Variants in ST6GALNAC3 observed in about 807,000 individuals in gnomAD.
The protein encoded by ST6GALNAC3 is alpha-N-acetylgalactosaminide alpha-2,6-sialyltransferase 3.
Under a neutral mutation model 32.7 loss-of-function variants are expected in ST6GALNAC3, and 25 were observed. That is an observed-to-expected ratio of 0.76 (90% CI 0.56 to 1.07). The LOEUF is 1.07. Among genes scored for constraint, ST6GALNAC3 ranks in the 50% least tolerant of loss-of-function variants. The pLI, the probability that ST6GALNAC3 is intolerant of heterozygous loss-of-function variation, is 0.00. For synonymous variants in ST6GALNAC3, 129 were observed against 133.1 expected (o/e 0.97, Z 0.21); for missense variants, 355 against 382.4 (o/e 0.93, Z 0.60).
intron 1 of ST6GALNAC3, among the ~76,000 whole-genome samples, chr1:76,226,474 A>C (rs2100622019): frequency 6.6e-6 from 1 of 152,316 alleles, no homozygotes; most frequent in Non-Finnish European, 1.5e-5. Context: ...GGCAAATGGA[A>C]TTTTACTGGT....
chr1:76,560,919 TTTGGAAGCCAAAAC>T lies in ST6GALNAC3; in HGVS notation c.624-66524_624-66511del, dbSNP rs374538124. Among the ~76,000 whole-genome samples, 351 of 152,246 alleles carry T rather than the reference TTTGGAAGCCAAAAC, an allele frequency of 2.3e-3. 1 individual carries two copies. The highest frequency in any genetic ancestry group is 0.014 in the Middle Eastern group (4 of 294). ...TGCAGCAAGAACTTGGAAGCCAAAATTTGGAAGCCAAAACTTGGAAGCAACCTAAGTGTCCATCA... is the reference window on the plus strand; with the variant it reads ...TGCAGCAAGAACTTGGAAGCCAAAATTTGGAAGCAACCTAAGTGTCCATCA... On this transcript the variant is annotated intron_variant, in intron 3 of 4. Coordinates refer to ENST00000328299, the MANE Select transcript of ST6GALNAC3 (RefSeq NM_152996.4).
At chr1:76,164,019 G>A (rs1021957525) in intron 1 of ST6GALNAC3, among the ~76,000 whole-genome samples, 3 of 152,152 alleles carry the variant, frequency 2.0e-5, no homozygotes, top group Non-Finnish European at 4.4e-5. Context: ...TGGATTTGTT[G>A]AGGAGTTCCC....
chr1:76,498,020 C>G (rs1417044011), intron 3 of ST6GALNAC3, among the ~76,000 whole-genome samples: 1 of 152,158 alleles, frequency 6.6e-6, no homozygotes. Flanking sequence ...CTAGGTCACC[C>G]TATGGCTGAG....
chr1:76,426,211 T>C (rs559758802), intron 3 of ST6GALNAC3, among the ~76,000 whole-genome samples: 3 of 151,858 alleles, frequency 2.0e-5, no homozygotes, highest in Non-Finnish European at 4.4e-5. Flanking sequence ...GCCTGATATG[T>C]GTTTGCTATT....
At chr1:76,083,344 C>T (rs917127548) in intron 1 of ST6GALNAC3, among the ~76,000 whole-genome samples, 4 of 152,242 alleles carry the variant, frequency 2.6e-5, no homozygotes, top group African/African-American at 7.2e-5. Context: ...CTGTTTGCTG[C>T]GCGGCTGGCC....
intron 1 of ST6GALNAC3, among the ~76,000 whole-genome samples, chr1:76,120,711 G>A (rs1413273595): frequency 7.9e-5 from 12 of 152,126 alleles, no homozygotes; most frequent in Non-Finnish European, 1.5e-5. Flanking sequence ...CCTAAACAGA[G>A]GTCCCAACTC....
chr1:76,165,866 T>C (rs1452807114), intron 1 of ST6GALNAC3, among the ~76,000 whole-genome samples: 1 of 151,952 alleles, frequency 6.6e-6, no homozygotes, highest in African/African-American at 2.4e-5. Flanking sequence ...AATGGGTTTT[T>C]TTTCTTGTAC....
At chr1:76,219,068 C>T (rs184749291) in intron 1 of ST6GALNAC3, among the ~76,000 whole-genome samples, 22 of 152,274 alleles carry the variant, frequency 1.4e-4, no homozygotes, top group African/African-American at 4.8e-4. Flanking sequence ...TGTAAAGGAA[C>T]TGAAACTAGC....
chr1:76,090,541 C>T (rs1647030232), intron 1 of ST6GALNAC3, among the ~76,000 whole-genome samples: 2 of 152,186 alleles, frequency 1.3e-5, no homozygotes, highest in Admixed American at 1.3e-4. Flanking sequence ...AAAAGATGCA[C>T]GTAAGATGAT....
chr1:76,483,937 T>TA (rs1659917063), intron 3 of ST6GALNAC3, among the ~76,000 whole-genome samples: 6 of 152,362 alleles, frequency 3.9e-5, no homozygotes, highest in Admixed American at 3.9e-4. Flanking sequence ...GCTTTCTACA[T>TA]ACGGCTAGCC....
At chr1:76,477,793 G>A (rs1659450973) in intron 3 of ST6GALNAC3, among the ~76,000 whole-genome samples, 1 of 152,120 alleles carries the variant, frequency 6.6e-6, no homozygotes, top group African/African-American at 2.4e-5. Flanking sequence ...CAGATTTAGT[G>A]AGTATCTGTC....
At chr1:76,219,309 GC>G (rs1655640227) in intron 1 of ST6GALNAC3, among the ~76,000 whole-genome samples, 1 of 152,190 alleles carries the variant, frequency 6.6e-6, no homozygotes, top group Non-Finnish European at 1.5e-5. Context: ...CTATTTCCCA[GC>G]CCCTCACTTA....
rs200546353 is a variant in ST6GALNAC3 at position 76,628,814 on chromosome 1, T to C, written c.*8T>C. ...AACTGGACATTGTCTTGATAATGGT[T>C]TTCCTGATCTTGCCGCATCACTTAA... On this transcript the variant is annotated 3_prime_UTR_variant, in exon 5 of 5. Transcript: ENST00000328299. 37 of 1,609,520 alleles carry C rather than the reference T, an allele frequency of 2.3e-5. No homozygotes were observed. Among genetic ancestry groups the C allele is most frequent in the Non-Finnish European group, 3.0e-5 (35 of 1,177,920 alleles).
chr1:76,409,270 G>A (rs1411819831), intron 2 of ST6GALNAC3, among the ~76,000 whole-genome samples: 1 of 152,038 alleles, frequency 6.6e-6, no homozygotes, highest in Non-Finnish European at 1.5e-5. Context: ...AAACCTTACT[G>A]TGTTAGGGGT....
chr1:76,247,481 C>T (rs1586417), intron 1 of ST6GALNAC3, among the ~76,000 whole-genome samples: 18,914 of 152,066 alleles, frequency 0.12, 1,978 homozygotes, highest in East Asian at 0.52. Flanking sequence ...ATCTGTAAGC[C>T]CCTGACTGGG....
intron 3 of ST6GALNAC3, chr1:76,577,284 G>C: frequency 1.0e-6 from 1 of 988,968 alleles, no homozygotes; most frequent in Non-Finnish European, 1.2e-6. Context: ...CAAGGGAATT[G>C]TTTTGTAGAA....
In ST6GALNAC3 at chr1:76,167,075, C is replaced by G. The variant is rs2100402148; in HGVS notation, c.18+92191C>G. 2.6e-5 allele frequency among the ~76,000 whole-genome samples: 4 copies of G among 152,240 alleles called. No individual in the cohort carries two copies. The East Asian group carries it at 7.7e-4, about 29-fold the overall frequency. On this transcript the variant is annotated intron_variant, in intron 1 of 4. Transcript: ENST00000328299. ...TGAGAGAGGGCATCCTTGTCTTGTG[C>G]TGGTTTTCAAGGGAAATGCTTCCAG... is the stretch of plus-strand genomic sequence containing the variant.
chr1:76,460,679 G>C (rs1421278397), intron 3 of ST6GALNAC3, among the ~76,000 whole-genome samples: 2 of 152,102 alleles, frequency 1.3e-5, no homozygotes, highest in Non-Finnish European at 2.9e-5. Flanking sequence ...TTCTTTATTT[G>C]CATTAACAAT....
chr1:76,417,643 G>A (rs1159273196), intron 3 of ST6GALNAC3, among the ~76,000 whole-genome samples: 1 of 152,092 alleles, frequency 6.6e-6, no homozygotes, highest in Non-Finnish European at 1.5e-5. Flanking sequence ...ATGGGTAGGT[G>A]GGCAATTGCA....
Sources: allele counts gnomAD v4.1 joint callset (sites outside exome capture counted in the v4.1 genomes callset), GRCh38; gene constraint gnomAD v4.1.1; transcripts MANE v1.5; gene names NCBI Gene and HGNC (gene_info 2026-07-23, HGNC 2026-07-21).